The following SUGCT variants were observed in gnomAD, a reference collection of about 807,000 sequenced individuals.
SUGCT encodes the protein succinyl-CoA:glutarate CoA-transferase.
A neutral mutation model predicts 55.0 loss-of-function variants in SUGCT; 41 were observed. The ratio of observed to expected loss-of-function variants is 0.74; its 90% confidence interval spans 0.58 to 0.97. The LOEUF is 0.97. Among genes scored for constraint, SUGCT ranks in the 50% least tolerant of loss-of-function variants. The probability of loss-of-function intolerance (pLI) is 0.00; values close to 1 mark genes in which losing one functional copy is unlikely to be tolerated. For synonymous variants in SUGCT, 187 were observed against 200.4 expected (o/e 0.93, Z 0.56); for missense variants, 568 against 547.8 (o/e 1.04, Z -0.37).
chr7:40,310,824 C>G (rs1795106146), intron 8 of SUGCT, among the ~76,000 whole-genome samples: 1 of 152,136 alleles, frequency 6.6e-6, no homozygotes, highest in African/African-American at 2.4e-5. Flanking sequence ...GTAGTTTATA[C>G]CTACATCTTT....
rs565418670 is a variant in SUGCT, at chr7:40,219,227, G to A, written c.485-18408G>A. Among the ~76,000 whole-genome samples, 6 of 152,100 alleles carry A rather than the reference G, an allele frequency of 3.9e-5. No individual in the cohort carries two copies. In the East Asian group the frequency reaches 9.7e-4, roughly 25 times the overall value. On this transcript the variant is annotated intron_variant, in intron 6 of 13. Transcript: ENST00000335693. Reference sequence around the variant, plus strand: ...GAAGGAAGAAACTCCAGACATGTCCGAATATCAGAAGGAACAAACTCCAGA... The same window carrying A: ...GAAGGAAGAAACTCCAGACATGTCCAAATATCAGAAGGAACAAACTCCAGA...
intron 13 of SUGCT, among the ~76,000 whole-genome samples, chr7:40,845,041 T>C (rs1793486663): frequency 6.7e-6 from 1 of 148,378 alleles, no homozygotes; most frequent in African/African-American, 2.4e-5. Context: ...CTAGTGGGTT[T>C]TGGTTTTTGG....
chr7:40,245,211 T>C (rs566033288), intron 7 of SUGCT, among the ~76,000 whole-genome samples: 4 of 148,830 alleles, frequency 2.7e-5, no homozygotes, highest in African/African-American at 9.9e-5. Flanking sequence ...CCTGCCACCA[T>C]GCCCGGCTAA....
At chr7:40,544,530 A>G (rs192318477) in intron 12 of SUGCT, among the ~76,000 whole-genome samples, 52 of 152,220 alleles carry the variant, frequency 3.4e-4, no homozygotes, top group Non-Finnish European at 6.3e-4. Flanking sequence ...GAAATTTCAC[A>G]TTCTCTTCTT....
chr7:40,718,944 T>G (rs1000190900), intron 12 of SUGCT, among the ~76,000 whole-genome samples: 2 of 152,226 alleles, frequency 1.3e-5, no homozygotes, highest in Admixed American at 6.5e-5. Context: ...AAAAGGTAAC[T>G]GAATATGGTT....
chr7:40,371,813 A>G (rs1726293260), intron 9 of SUGCT, among the ~76,000 whole-genome samples: 1 of 152,074 alleles, frequency 6.6e-6, no homozygotes, highest in Non-Finnish European at 1.5e-5. Context: ...TCATTTCCTG[A>G]TATAGGAAGA....
intron 9 of SUGCT, among the ~76,000 whole-genome samples, chr7:40,410,237 C>G (rs1040669350): frequency 6.6e-6 from 1 of 152,060 alleles, no homozygotes; most frequent in Non-Finnish European, 1.5e-5. Flanking sequence ...ATATAACCTT[C>G]TTTAATTTTA....
chr7:40,759,506 TA>T (rs1203585568), intron 13 of SUGCT, among the ~76,000 whole-genome samples: 1 of 152,208 alleles, frequency 6.6e-6, no homozygotes, highest in Non-Finnish European at 1.5e-5. Context: ...GAGATTTGCT[TA>T]ATGTTGCTAT....
intron 12 of SUGCT, chr7:40,546,673 T>C (rs1795007246): frequency 6.6e-6 from 1 of 152,176 alleles, no homozygotes; most frequent in Admixed American, 6.6e-5. Flanking sequence ...ATTCACATTA[T>C]AGATGAAGAA....
chr7:40,521,760 T>A (rs1236375561), intron 12 of SUGCT, among the ~76,000 whole-genome samples: 2 of 152,120 alleles, frequency 1.3e-5, no homozygotes, highest in East Asian at 1.9e-4. Flanking sequence ...AGTATAGGGA[T>A]GAATACTATG....
intron 13 of SUGCT, among the ~76,000 whole-genome samples, chr7:40,843,020 G>C (rs1289775253): frequency 6.6e-6 from 1 of 152,176 alleles, no homozygotes; most frequent in South Asian, 2.1e-4. Context: ...TGAATTCAAA[G>C]CTTGGTTAAA....
At chr7:40,247,424 A>C (rs868588121) in intron 7 of SUGCT, among the ~76,000 whole-genome samples, 2 of 151,824 alleles carry the variant, frequency 1.3e-5, no homozygotes, top group African/African-American at 4.8e-5. Context: ...ACCGGCTAAT[A>C]TTTTTGTATT....
At chr7:40,241,114 T>C (rs556373958) in intron 7 of SUGCT, among the ~76,000 whole-genome samples, 6 of 152,230 alleles carry the variant, frequency 3.9e-5, no homozygotes, top group Non-Finnish European at 8.8e-5. Flanking sequence ...AGAAAATACA[T>C]TATTATATGC....
At chr7:40,322,302 G>A (rs1011867034) in intron 9 of SUGCT, among the ~76,000 whole-genome samples, 11 of 152,114 alleles carry the variant, frequency 7.2e-5, no homozygotes, top group Non-Finnish European at 1.0e-4. Flanking sequence ...CTTTTCAAGA[G>A]CAATGAATTT....
At chr7:40,915,232 C>T in the SUGCT span, among the ~76,000 whole-genome samples, 4 of 152,004 alleles carry the variant, frequency 2.6e-5, no homozygotes, top group African/African-American at 4.8e-5. Context: ...AGTACAAAGT[C>T]GAAGGTCACT....
At chr7:40,281,513 C>T (rs573554779) in intron 8 of SUGCT, among the ~76,000 whole-genome samples, 2 of 152,292 alleles carry the variant, frequency 1.3e-5, no homozygotes, top group African/African-American at 4.8e-5. Flanking sequence ...TACATTCCTT[C>T]TATACCTAAT....
At chr7:40,910,830 G>C in the SUGCT span, among the ~76,000 whole-genome samples, 3 of 152,130 alleles carry the variant, frequency 2.0e-5, no homozygotes, top group African/African-American at 7.2e-5. Context: ...CACTAATTTG[G>C]CATGTATTTA....
At chr7:41,007,499 C>T in the SUGCT span, among the ~76,000 whole-genome samples, 15 of 152,184 alleles carry the variant, frequency 9.9e-5, no homozygotes, top group South Asian at 2.1e-4. Flanking sequence ...GCTGTGTGCA[C>T]GCCTTAGAAT....
chr7:40,599,228 A>G (rs1798170763), intron 12 of SUGCT, among the ~76,000 whole-genome samples: 1 of 152,162 alleles, frequency 6.6e-6, no homozygotes, highest in African/African-American at 2.4e-5. Context: ...ACAGGATACC[A>G]TAGGGTTGGG....
Sources: gnomAD v4.1 joint callset for allele counts (sites outside exome capture counted in the v4.1 genomes callset) on GRCh38, gnomAD v4.1.1 for gene constraint, MANE v1.5 for transcripts, NCBI Gene and HGNC (gene_info 2026-07-23, HGNC 2026-07-21) for gene names.